Variants in LRP1B observed in about 807,000 individuals in gnomAD.
LRP1B encodes the protein low-density lipoprotein receptor-related protein 1B.
LRP1B carries 217 observed loss-of-function variants against 556.6 expected under a neutral mutation model. That is an observed-to-expected ratio of 0.39 (90% CI 0.35 to 0.44). The LOEUF is 0.44. Ranked by LOEUF, LRP1B falls within the 20% of genes least tolerant of loss-of-function variation. The pLI, the probability that LRP1B is intolerant of heterozygous loss-of-function variation, is 1.00. For missense variants in LRP1B, 5,053 were observed against 5,620.8 expected (o/e 0.90, Z 3.23); for synonymous variants, 2,047 against 1,865.8 (o/e 1.10, Z -2.50).
intron 32 of LRP1B, among the ~76,000 whole-genome samples, chr2:140,785,863 C>T (rs144322693): frequency 4.6e-5 from 7 of 152,234 alleles, no homozygotes; most frequent in African/African-American, 9.6e-5. Context: ...CGAGGCCAGA[C>T]GGTCACTGTT....
At chr2:141,528,703 G>C (rs1429643265) in intron 2 of LRP1B, among the ~76,000 whole-genome samples, 1 of 151,882 alleles carries the variant, frequency 6.6e-6, no homozygotes, top group East Asian at 1.9e-4. Flanking sequence ...TTAGAACTAG[G>C]GTAAAAATCT....
chr2:141,171,585 A>G (rs1441410245), intron 7 of LRP1B, among the ~76,000 whole-genome samples: 1 of 152,058 alleles, frequency 6.6e-6, no homozygotes, highest in African/African-American at 2.4e-5. Flanking sequence ...AGTCTTCTGG[A>G]TGAATGCTGG....
intron 11 of LRP1B, among the ~76,000 whole-genome samples, chr2:141,044,589 C>T (rs1698810487): frequency 6.6e-6 from 1 of 151,472 alleles, no homozygotes; most frequent in Non-Finnish European, 1.5e-5. Flanking sequence ...AAACAAACAA[C>T]CCCATCAAAA....
At chr2:141,998,225 T>C (rs1308319017) in intron 1 of LRP1B, among the ~76,000 whole-genome samples, 1 of 152,138 alleles carries the variant, frequency 6.6e-6, no homozygotes, top group Non-Finnish European at 1.5e-5. Flanking sequence ...AGTAGATTTC[T>C]ATAATTGTAT....
At chr2:141,229,147 A>T in intron 6 of LRP1B, 36 bp downstream of exon 6, 1 of 1,604,290 alleles carries the variant, frequency 6.2e-7, no homozygotes. Flanking sequence ...TGAAATCAGT[A>T]AAGGGTGGCA....
intron 1 of LRP1B, among the ~76,000 whole-genome samples, chr2:141,865,628 G>T (rs909447488): frequency 8.9e-5 from 13 of 145,304 alleles, no homozygotes; most frequent in Middle Eastern, 3.6e-3. Context: ...AAGAAAAAAA[G>T]ACAGAAATTT....
rs1449994780 is a variant in LRP1B, at chr2:141,055,246, T to A, written c.1422A>T (p.Ala474=). The A allele has an allele frequency of 5.0e-6, 8 of 1,610,690 alleles. No homozygotes were observed. The South Asian group carries it at 8.8e-5, about 18-fold the overall frequency. The change falls in exon 10 of 91, where the codon GCA becomes GCT. Residue 474 remains alanine, a synonymous_variant. Coordinates refer to ENST00000389484, the MANE Select transcript of LRP1B (RefSeq NM_018557.3). ...GCATTCCATATGGATCGACTTCACA[T>A]GCATGGCTTCTGACTACAACAAATA... ...KRTQPTVRSH[A]CEVDPYGMPG...
intron 30 of LRP1B, 114 bp downstream of exon 30, chr2:140,840,804 A>T (rs2105096591): frequency 2.9e-6 from 2 of 701,014 alleles, no homozygotes; most frequent in Middle Eastern, 3.4e-4. Context: ...CTTTTTTTTT[A>T]ACTCTTATGG....
intron 41 of LRP1B, among the ~76,000 whole-genome samples, chr2:140,618,493 C>T (rs1260023478): frequency 6.6e-6 from 1 of 151,922 alleles, no homozygotes; most frequent in African/African-American, 2.4e-5. Context: ...TTCAATAATC[C>T]TTTAGGCATA....
At chr2:141,925,657 A>G (rs973535219) in intron 1 of LRP1B, among the ~76,000 whole-genome samples, 1 of 152,180 alleles carries the variant, frequency 6.6e-6, no homozygotes, top group African/African-American at 2.4e-5. Context: ...GGGGTCAGGA[A>G]GTTCTGAGCT....
chr2:141,209,030 C>G (rs941877454), intron 6 of LRP1B, among the ~76,000 whole-genome samples: 12 of 150,026 alleles, frequency 8.0e-5, no homozygotes, highest in African/African-American at 3.0e-4. Context: ...TAGATATATA[C>G]ACTCATATTA....
chr2:140,497,794 A>G (rs1318029137), intron 55 of LRP1B, among the ~76,000 whole-genome samples: 1 of 151,946 alleles, frequency 6.6e-6, no homozygotes, highest in Admixed American at 6.6e-5. Flanking sequence ...TAGAAGAAGT[A>G]CTATATGAAA....
At chr2:141,420,386 C>T (rs1263743440) in intron 3 of LRP1B, among the ~76,000 whole-genome samples, 1 of 152,146 alleles carries the variant, frequency 6.6e-6, no homozygotes, top group Non-Finnish European at 1.5e-5. Context: ...AGACCTTCAC[C>T]GTCAGCCCAG....
Position 140,850,215 on chromosome 2 carries a change from G to A in LRP1B, c.4826C>T (p.Thr1609Ile), listed in dbSNP as rs1335611820. The change falls in exon 29 of 91, where the codon ACT becomes ATT. Residue 1609 changes from threonine to isoleucine, a missense_variant. Physicochemically the swap from Thr to Ile is moderately conservative, Grantham distance 89 (BLOSUM62 -1). This residue lies in a region of LRP1B where 3,619 missense variants were observed against 3,931.9 expected (regional missense o/e 0.92). Coordinates refer to ENST00000389484, the MANE Select transcript of LRP1B (RefSeq NM_018557.3). ...AFTVPDIDDV[T>I]VIDFDASEER... Reference sequence around the variant, plus strand: ...CTCAGATGCATCGAAGTCTATCACAGTAACGTCATCAATATCAGGGACTGT... The same window carrying A: ...CTCAGATGCATCGAAGTCTATCACAATAACGTCATCAATATCAGGGACTGT... 6.2e-7 allele frequency: 1 copy of A among 1,612,634 alleles called. No homozygotes were observed. Among genetic ancestry groups the A allele is most frequent in the Non-Finnish European group, 8.5e-7 (1 of 1,178,800 alleles).
chr2:141,737,600 T>C (rs189390740), intron 2 of LRP1B, among the ~76,000 whole-genome samples: 1 of 152,310 alleles, frequency 6.6e-6, no homozygotes, highest in East Asian at 1.9e-4. Flanking sequence ...CTCAGATTGA[T>C]CTTGTTTACC....
At chr2:140,960,997 A>G (rs908652367) in intron 18 of LRP1B, among the ~76,000 whole-genome samples, 1 of 151,936 alleles carries the variant, frequency 6.6e-6, no homozygotes, top group African/African-American at 2.4e-5. Flanking sequence ...ACTACTAACT[A>G]ATAAAGAAGT....
intron 2 of LRP1B, among the ~76,000 whole-genome samples, chr2:141,621,226 T>C (rs355577): frequency 0.68 from 103,930 of 152,040 alleles, 36,275 homozygotes; most frequent in East Asian, 0.77. Flanking sequence ...GTACAATGTT[T>C]TAAAATTCTT....
intron 2 of LRP1B, among the ~76,000 whole-genome samples, chr2:141,735,004 C>T (rs1693411188): frequency 6.6e-6 from 1 of 152,024 alleles, no homozygotes; most frequent in Non-Finnish European, 1.5e-5. Context: ...CCCTCAACAG[C>T]CATTTGAATA....
intron 41 of LRP1B, among the ~76,000 whole-genome samples, chr2:140,642,798 C>A (rs1684347745): frequency 6.6e-6 from 1 of 152,104 alleles, no homozygotes; most frequent in Non-Finnish European, 1.5e-5. Context: ...GAGCCGAGAT[C>A]GCGCCACTGC....
Sources: gnomAD v4.1 joint callset for allele counts (sites outside exome capture counted in the v4.1 genomes callset) on GRCh38, gnomAD v4.1.1 for gene constraint, gnomAD v4.1.1 regional missense constraint, MANE v1.5 for transcripts, NCBI Gene and HGNC (gene_info 2026-07-23, HGNC 2026-07-21) for gene names.